CHODL: variants seen among roughly 807,000 people sequenced by gnomAD.
CHODL encodes the protein chondrolectin, also known as transmembrane protein MT75.
Under a neutral mutation model 34.5 loss-of-function variants are expected in CHODL, and 29 were observed. The observed-to-expected ratio is 0.84, with a 90% CI of 0.63 to 1.15. The LOEUF is 1.15. Ranked by LOEUF, CHODL falls within the 50% of genes most tolerant of loss-of-function variation. The probability of loss-of-function intolerance (pLI) is 0.00; values close to 1 mark genes in which losing one functional copy is unlikely to be tolerated. For missense variants in CHODL, 332 were observed against 332.5 expected, an observed-to-expected ratio of 1.00 and a Z score of 0.01; for synonymous variants, 125 against 116.1, an observed-to-expected ratio of 1.08 and a Z score of -0.49.
At chr21:18,202,073 G>A (rs904618954) in intron 2 of CHODL, among the ~76,000 whole-genome samples, 1 of 152,068 alleles carries the variant, frequency 6.6e-6, no homozygotes, top group East Asian at 1.9e-4. Flanking sequence ...CCAAAGTGCT[G>A]GGATTACAGG....
intron 2 of CHODL, among the ~76,000 whole-genome samples, chr21:18,207,327 A>G (rs921699205): frequency 6.6e-6 from 1 of 152,220 alleles, no homozygotes; most frequent in Non-Finnish European, 1.5e-5. Context: ...GATTGCATAA[A>G]CAAAGATAAA....
chr21:18,183,792 G>A (rs1295355672), intron 2 of CHODL, among the ~76,000 whole-genome samples: 2 of 136,276 alleles, frequency 1.5e-5, no homozygotes, highest in African/African-American at 3.3e-5. Flanking sequence ...GAGTAAGGTT[G>A]GAACTCTGTG....
At chr21:18,193,731 A>ATAAG (rs2073545771) in intron 2 of CHODL, among the ~76,000 whole-genome samples, 1 of 150,178 alleles carries the variant, frequency 6.7e-6, no homozygotes, top group African/African-American at 2.4e-5. Flanking sequence ...AAATAAATAA[A>ATAAG]TAAATAAATA....
intron 2 of CHODL, among the ~76,000 whole-genome samples, chr21:18,175,421 A>G (rs1406670397): frequency 6.6e-6 from 1 of 152,058 alleles, no homozygotes; most frequent in African/African-American, 2.4e-5. Context: ...GTGAAATCCC[A>G]TATCTACTAA....
intron 2 of CHODL, among the ~76,000 whole-genome samples, chr21:18,157,204 A>G (rs1221956328): frequency 6.6e-6 from 1 of 152,176 alleles, no homozygotes; most frequent in Non-Finnish European, 1.5e-5. Flanking sequence ...AGAAGCAAGG[A>G]TCTGTGAGAT....
chr21:18,120,672 C>T (rs1357728947), intron 2 of CHODL, among the ~76,000 whole-genome samples: 1 of 152,048 alleles, frequency 6.6e-6, no homozygotes, highest in East Asian at 1.9e-4. Context: ...TATACATATA[C>T]ACATATTTAA....
intron 2 of CHODL, among the ~76,000 whole-genome samples, chr21:18,070,026 C>T (rs978800894): frequency 5.4e-3 from 73 of 13,474 alleles, no homozygotes; most frequent in Non-Finnish European, 0.012. Flanking sequence ...TCCCTTCCCT[C>T]CCCCCCCCCA....
intron 1 of CHODL, among the ~76,000 whole-genome samples, chr21:18,248,606 TGTATAA>T: frequency 2.3e-5 from 3 of 133,096 alleles, no homozygotes; most frequent in African/African-American, 8.8e-5. Flanking sequence ...ATAAAATATA[TGTATAA>T]TACATATATA....
chr21:17,927,193 T>C (rs1374231550), intron 1 of CHODL, among the ~76,000 whole-genome samples: 12 of 148,634 alleles, frequency 8.1e-5, no homozygotes, highest in African/African-American at 2.7e-4. Context: ...TATGTATATG[T>C]ATGTATGTGT....
chr21:18,227,641 C>G (rs374857086), intron 2 of CHODL, among the ~76,000 whole-genome samples: 3 of 152,010 alleles, frequency 2.0e-5, no homozygotes, highest in Non-Finnish European at 4.4e-5. Flanking sequence ...CATGGGAGGA[C>G]AGGGAAATTG....
chr21:18,224,663 T>C (rs1201019135), intron 2 of CHODL, among the ~76,000 whole-genome samples: 1 of 152,168 alleles, frequency 6.6e-6, no homozygotes, highest in African/African-American at 2.4e-5. Context: ...TATGGATTTA[T>C]GTGTTCTTCC....
At chr21:18,237,303 C>G (rs2074037377) in intron 2 of CHODL, among the ~76,000 whole-genome samples, 1 of 152,058 alleles carries the variant, frequency 6.6e-6, no homozygotes. Flanking sequence ...TTGCATTTAT[C>G]TCCACTCTCA....
chr21:18,214,179 A>G (rs970944655), intron 2 of CHODL, among the ~76,000 whole-genome samples: 2 of 152,068 alleles, frequency 1.3e-5, no homozygotes, highest in Non-Finnish European at 2.9e-5. Context: ...TTATTACATT[A>G]GCCTGATATT....
chr21:18,206,402 C>G (rs1184997238), intron 2 of CHODL, among the ~76,000 whole-genome samples: 2 of 152,114 alleles, frequency 1.3e-5, no homozygotes, highest in Non-Finnish European at 2.9e-5. Context: ...TTTCTTGTCT[C>G]TTTTTATAGT....
At position 18,000,239 on chromosome 21, in the gene CHODL, G is replaced by A. The variant is rs574072942; in HGVS notation, c.-144-27633G>A. ...GAGGCTGAGTTCTAATTTAATAGCT[G>A]TTTATGTTAGGACCATCCTAACTTT... On this transcript the variant is annotated intron_variant, in intron 1 of 6. Coordinates refer to the CHODL transcript ENST00000400127. Among the ~76,000 whole-genome samples the A allele has an allele frequency of 1.7e-4, 26 of 152,120 alleles. No homozygotes were observed. In the South Asian group the frequency reaches 5.4e-3, roughly 32 times the overall value.
At chr21:17,942,053 G>A (rs1261665863) in intron 1 of CHODL, among the ~76,000 whole-genome samples, 2 of 151,966 alleles carry the variant, frequency 1.3e-5, no homozygotes, top group South Asian at 4.1e-4. Context: ...CATTTTGGGG[G>A]GAATACAAAC....
intron 2 of CHODL, among the ~76,000 whole-genome samples, chr21:18,144,277 T>C (rs767031415): frequency 1.7e-4 from 26 of 152,170 alleles, no homozygotes; most frequent in Non-Finnish European, 3.4e-4. Context: ...GTGGCACTTA[T>C]AGAACATTTT....
chr21:17,972,946 A>G (rs1377396096), intron 1 of CHODL, among the ~76,000 whole-genome samples: 1 of 152,218 alleles, frequency 6.6e-6, no homozygotes, highest in Non-Finnish European at 1.5e-5. Flanking sequence ...AAACAGATAT[A>G]TAGATCAATG....
intron 2 of CHODL, among the ~76,000 whole-genome samples, chr21:18,104,681 T>A (rs902932945): frequency 6.6e-6 from 1 of 152,204 alleles, no homozygotes; most frequent in African/African-American, 2.4e-5. Context: ...TCTACCACTC[T>A]GAGCTTTTAA....
Sources: allele counts gnomAD v4.1 joint callset (sites outside exome capture counted in the v4.1 genomes callset), GRCh38; gene constraint gnomAD v4.1.1; transcripts MANE v1.5; gene names NCBI Gene and HGNC (gene_info 2026-07-23, HGNC 2026-07-21).